RORB: variants seen among roughly 807,000 people sequenced by gnomAD.
RORB encodes nuclear receptor ROR-beta.
Under a neutral mutation model 59.1 loss-of-function variants are expected in RORB, and 6 were observed. The ratio of observed to expected loss-of-function variants is 0.10; its 90% CI spans 0.06 to 0.20. RORB has a LOEUF of 0.20. Ranked by LOEUF, RORB falls within the 10% of genes least tolerant of loss-of-function variation. The pLI is 1.00. For missense variants in RORB, 320 were observed against 560.5 expected (o/e 0.57, Z 4.33); for synonymous variants, 215 against 204.5 (o/e 1.05, Z -0.44).
chr9:74,554,901 C>T (rs1193235902), intron 1 of RORB, among the ~76,000 whole-genome samples: 3 of 152,126 alleles, frequency 2.0e-5, no homozygotes, highest in East Asian at 1.9e-4. Flanking sequence ...TAGCCAAATA[C>T]GATACAGTTA....
chr9:74,650,361 A>G (rs1352998807), intron 4 of RORB, among the ~76,000 whole-genome samples: 1 of 152,158 alleles, frequency 6.6e-6, no homozygotes, highest in Non-Finnish European at 1.5e-5. Flanking sequence ...TTTTTGGAAG[A>G]GCTGGTAAGA....
At chr9:74,660,996 C>T (rs1298047030) in intron 5 of RORB, among the ~76,000 whole-genome samples, 2 of 152,206 alleles carry the variant, frequency 1.3e-5, no homozygotes, top group Non-Finnish European at 2.9e-5. Flanking sequence ...TGAAAAACCA[C>T]GGCCCTATTT....
intron 1 of RORB, among the ~76,000 whole-genome samples, chr9:74,578,054 C>T (rs1822664294): frequency 6.6e-6 from 1 of 151,950 alleles, no homozygotes; most frequent in African/African-American, 2.4e-5. Flanking sequence ...AACTGAGGAC[C>T]TGAGAAGGTA....
At chr9:74,505,190 A>ATTTTG (rs1054760214) in intron 1 of RORB, among the ~76,000 whole-genome samples, 2 of 152,022 alleles carry the variant, frequency 1.3e-5, no homozygotes, top group African/African-American at 4.8e-5. Context: ...GACCAGCTTT[A>ATTTTG]TTTTGTTTTG....
chr9:74,561,561 T>G (rs1223799023), intron 1 of RORB, among the ~76,000 whole-genome samples: 1 of 152,158 alleles, frequency 6.6e-6, no homozygotes, highest in Non-Finnish European at 1.5e-5. Context: ...TTGGGATGAA[T>G]GAGTCCTCAG....
intron 1 of RORB, among the ~76,000 whole-genome samples, chr9:74,575,829 G>A (rs1419597024): frequency 6.6e-6 from 1 of 152,044 alleles, no homozygotes; most frequent in African/African-American, 2.4e-5. Flanking sequence ...AGAGTAGGAA[G>A]GACAAATCAG....
At chr9:74,557,197 G>A (rs537352985) in intron 1 of RORB, among the ~76,000 whole-genome samples, 1 of 152,148 alleles carries the variant, frequency 6.6e-6, no homozygotes, top group South Asian at 2.1e-4. Flanking sequence ...GATTGCTCTG[G>A]GAAACAGGCT....
chr9:74,534,017 G>C (rs12005293), intron 1 of RORB, among the ~76,000 whole-genome samples: 1 of 151,980 alleles, frequency 6.6e-6, no homozygotes, highest in Admixed American at 6.6e-5. Context: ...GTTCTATGAC[G>C]AAATTATTTA....
intron 1 of RORB, among the ~76,000 whole-genome samples, chr9:74,625,615 A>C (rs1342135763): frequency 6.6e-6 from 1 of 152,238 alleles, no homozygotes; most frequent in Non-Finnish European, 1.5e-5. Context: ...TGTCTCAAAA[A>C]ACATTAATAT....
At chr9:74,601,777 C>A (rs1219447806) in intron 1 of RORB, among the ~76,000 whole-genome samples, 1 of 152,082 alleles carries the variant, frequency 6.6e-6, no homozygotes, top group African/African-American at 2.4e-5. Flanking sequence ...GGGCACTTTC[C>A]CTCCAAATTC....
intron 1 of RORB, among the ~76,000 whole-genome samples, chr9:74,519,678 C>A (rs1342200033): frequency 2.6e-5 from 4 of 152,094 alleles, no homozygotes; most frequent in African/African-American, 9.6e-5. Context: ...ATCATCTTTA[C>A]AATTCCCGAC....
chr9:74,527,718 G>T (rs750974946), intron 1 of RORB, among the ~76,000 whole-genome samples: 1 of 152,046 alleles, frequency 6.6e-6, no homozygotes, highest in Non-Finnish European at 1.5e-5. Flanking sequence ...GAAGGCCAGT[G>T]CTCTTTGCAC....
intron 1 of RORB, among the ~76,000 whole-genome samples, chr9:74,526,405 A>G (rs969126511): frequency 1.3e-5 from 2 of 151,782 alleles, no homozygotes; most frequent in African/African-American, 2.4e-5. Context: ...TGATCCCAGC[A>G]TGGAGCTCGC....
intron 1 of RORB, among the ~76,000 whole-genome samples, chr9:74,614,998 T>TTGC (rs1452939654): frequency 2.6e-5 from 4 of 152,180 alleles, no homozygotes; most frequent in African/African-American, 9.7e-5. Flanking sequence ...TCAGGCTCTC[T>TTGC]TGCTGCTGCT....
intron 9 of RORB, among the ~76,000 whole-genome samples, chr9:74,679,670 C>T (rs1824510991): frequency 6.6e-6 from 1 of 152,088 alleles, no homozygotes; most frequent in Admixed American, 6.5e-5. Context: ...TAGATTATTT[C>T]AATGTATTTT....
intron 2 of RORB, among the ~76,000 whole-genome samples, chr9:74,633,587 G>C (rs1490017302): frequency 6.6e-6 from 1 of 152,182 alleles, no homozygotes; most frequent in Non-Finnish European, 1.5e-5. Context: ...TCGATTACAT[G>C]AGTCAGTGAA....
rs144402070 is a variant in RORB at position 74,630,831 on chromosome 9, A to AAAAG, written c.93+467_93+468insGAAA. Among the ~76,000 whole-genome samples, 26 of 80,486 alleles carry AAAAG rather than the reference A, an allele frequency of 3.2e-4. 1 individual carries two copies. The highest frequency in any genetic ancestry group is 2.4e-3 in the Admixed American group (18 of 7,366). The allele number at this position is 80,486 out of a possible 152,430, so 52.8% of individuals were successfully genotyped here. On this transcript the variant is annotated intron_variant, in intron 2 of 9. Transcript: ENST00000376896. The stretch of plus-strand genomic sequence containing the variant: ...CCTTTATTCTCAAGTTACAGGAAAA[A>AAAAG]AAAAGAAAAGAAAAGAAAAGAAAAC...
intron 1 of RORB, among the ~76,000 whole-genome samples, chr9:74,597,854 A>T (rs1822993510): frequency 6.6e-6 from 1 of 152,032 alleles, no homozygotes; most frequent in Non-Finnish European, 1.5e-5. Flanking sequence ...GCTACTTGGG[A>T]GGCTGAGGCA....
At chr9:74,592,416 C>T (rs1307528455) in intron 1 of RORB, among the ~76,000 whole-genome samples, 3 of 152,198 alleles carry the variant, frequency 2.0e-5, no homozygotes, top group South Asian at 2.1e-4. Context: ...TTTGGAATAT[C>T]GCCATGGCGT....
Sources: allele counts gnomAD v4.1 joint callset (sites outside exome capture counted in the v4.1 genomes callset), GRCh38; gene constraint gnomAD v4.1.1; transcripts MANE v1.5; gene names NCBI Gene and HGNC (gene_info 2026-07-23, HGNC 2026-07-21).